SPOUT1: variants seen among roughly 807,000 people sequenced by gnomAD.
The protein encoded by SPOUT1 is SPOUT domain containing methyltransferase 1, also known as 28S rRNA (uridine-N(3))-methyltransferase.
Under a neutral mutation model 54.8 loss-of-function variants are expected in SPOUT1, and 40 were observed. That is an observed-to-expected ratio of 0.73 (90% CI 0.57 to 0.95). The LOEUF (loss-of-function observed/expected upper bound fraction) is 0.95. SPOUT1 is among the 40% of genes least tolerant of loss of function. SPOUT1 has a pLI of 0.00. For missense variants in SPOUT1, 437 were observed against 499.5 expected (o/e 0.87, Z 1.19); for synonymous variants, 193 against 200.3 (o/e 0.96, Z 0.31).
chr9:128,820,823 T>G lies in SPOUT1; in HGVS notation c.*1942A>C. 1 of 1,611,280 alleles carries G rather than the reference T, an allele frequency of 6.2e-7. No individual in the cohort carries two copies. On this transcript the variant is annotated 3_prime_UTR_variant, in exon 12 of 12. Transcript: ENST00000361256. ...CCGCAGCTACCAAAACGTCTATGTCTGCACAGGGCCACTCTTCCTGCCCAG... is the reference window on the plus strand; with the variant it reads ...CCGCAGCTACCAAAACGTCTATGTCGGCACAGGGCCACTCTTCCTGCCCAG...
In SPOUT1 at chr9:128,824,148, G is replaced by C; in HGVS notation, c.838C>G (p.Gln280Glu). ...LSAVFAEAPF[Q>E]DGYDLTIGTS... ...CCGATGGTCAGGTCATACCCATCTT[G>C]GAAGGGGGCCTCAGCAAACACAGCA... The change falls in exon 10 of 12, where the codon CAA (glutamine) becomes GAA (glutamate). Residue 280 changes from glutamine to glutamate, a missense_variant. Gln to Glu is a conservative substitution (Grantham distance 29, BLOSUM62 2). Coordinates refer to ENST00000361256, the MANE Select transcript of SPOUT1 (RefSeq NM_016390.4). 6.2e-7 allele frequency: 1 copy of C among 1,613,342 alleles called. No individual in the cohort carries two copies. The highest frequency in any genetic ancestry group is 8.5e-7 in the Non-Finnish European group (1 of 1,179,730).
In SPOUT1 at chr9:128,825,035, G is replaced by A. The variant is rs1415995334; in HGVS notation, c.654C>T (p.Asp218=). The A allele has an allele frequency of 1.1e-5, 17 of 1,572,760 alleles. No individual in the cohort carries two copies. The highest frequency in any genetic ancestry group is 1.5e-5 in the Non-Finnish European group (17 of 1,158,686). Residue 218 remains aspartate (D), a synonymous_variant, in exon 8 of 12, where the codon GAC becomes GAT. Coordinates refer to ENST00000361256, the MANE Select transcript of SPOUT1 (RefSeq NM_016390.4). ...NCGMKKEVKI[D]KNLEPGLRVT... ...CCCGAAGCCCGGGCTCCAGGTTCTT[G>A]TCAATCTTCACCTCCTGGGGAGAAG...
In SPOUT1 at chr9:128,826,955, C is replaced by G. The variant is rs2977991; in HGVS notation, c.368+77G>C. ...GGAAGAGCCAGGCATGTGGACGGGG[C>G]CATGGTGAAGCCTCGGCCCATCCCG... is the stretch of plus-strand genomic sequence containing the variant. On this transcript the variant is annotated intron_variant, in intron 4 of 11. Transcript: ENST00000361256. This position sits in a 1 kb window ranked among gnomAD's most constrained non-coding sequence, Gnocchi z 5.5. The G allele has an allele frequency of 0.99, 1,426,275 of 1,434,712 alleles. 709,300 individuals are homozygous for G. Among genetic ancestry groups the G allele is most frequent in the East Asian group, 1 (43,797 of 43,798 alleles). 88.9% of individuals were successfully genotyped at this position (1,434,712 alleles called of 1,614,324 possible).
rs1433290079 is a variant in SPOUT1 at position 128,820,764 on chromosome 9, G to C, written c.*2001C>G. 1.9e-6 allele frequency: 3 copies of C among 1,611,678 alleles called. No homozygotes were observed. The African/African-American group carries it at 4.0e-5, about 22-fold the overall frequency. ...GTGCCCCACCTCAACCAGAATGCCT[G>C]GAACAACCTGGAGAAATATAGCCGC... is the stretch of plus-strand genomic sequence containing the variant. On this transcript the variant is annotated 3_prime_UTR_variant, in exon 12 of 12. Coordinates refer to ENST00000361256, the MANE Select transcript of SPOUT1 (RefSeq NM_016390.4).
At chr9:128,824,739 T>C (rs1221450641) in intron 9 of SPOUT1, 32 bp downstream of exon 9, 6 of 1,519,146 alleles carry the variant, frequency 3.9e-6, no homozygotes, top group Middle Eastern at 1.7e-4. Flanking sequence ...GAGGGATGGA[T>C]GGATATTCAG....
At position 128,822,422 on chromosome 9, in the gene SPOUT1, G is replaced by A. The variant is rs762142600; in HGVS notation, c.*343C>T. The A allele has an allele frequency of 1.9e-6, 3 of 1,606,174 alleles. No individual in the cohort carries two copies. Among genetic ancestry groups the A allele is most frequent in the Non-Finnish European group, 2.6e-6 (3 of 1,176,300 alleles). ...ACACTTCTTCAAGGTGCTGATCCTG[G>A]AGGCAGCAGGTGGGCAAATTGAGCT... is the stretch of plus-strand genomic sequence containing the variant. On this transcript the variant is annotated 3_prime_UTR_variant, in exon 12 of 12. Transcript: ENST00000361256.
At position 128,821,823 on chromosome 9, in the gene SPOUT1, T is replaced by TCGGC. The variant is rs1374633649; in HGVS notation, c.*938_*941dup. On this transcript the variant is annotated 3_prime_UTR_variant, in exon 12 of 12. Coordinates refer to ENST00000361256, the MANE Select transcript of SPOUT1 (RefSeq NM_016390.4). ...CCAGGGCCTGGTCCATGGTAAGGGC[T>TCGGC]CGGCATAGGCTGGCCAAGGCGGTGG... 1 of 169,262 alleles carries TCGGC rather than the reference T, an allele frequency of 5.9e-6. No homozygotes were observed. Among genetic ancestry groups the TCGGC allele is most frequent in the African/African-American group, 2.4e-5 (1 of 41,684 alleles). 10.5% of individuals were successfully genotyped at this position (169,262 alleles called of 1,614,324 possible). A position where few individuals can be genotyped will look rare whatever the true frequency, so the allele number is the denominator to read the frequency against.
In SPOUT1 at chr9:128,823,671, G is replaced by A. The variant is rs1043563080; in HGVS notation, c.1062+76C>T. Reference sequence around the variant, plus strand: ...AGCCACGGGCAAGGGTGGGTGACAGGGCAAGAGTAGCACCCGCCCCTCGGA... The same window carrying A: ...AGCCACGGGCAAGGGTGGGTGACAGAGCAAGAGTAGCACCCGCCCCTCGGA... On this transcript the variant is annotated intron_variant, in intron 11 of 11. Coordinates refer to ENST00000361256, the MANE Select transcript of SPOUT1 (RefSeq NM_016390.4). 16 of 1,368,034 alleles carry A rather than the reference G, an allele frequency of 1.2e-5. No homozygotes were observed. In the East Asian group the frequency reaches 3.1e-4, roughly 27 times the overall value. The allele number at this position is 1,368,034 out of a possible 1,614,324, so 84.7% of individuals were successfully genotyped here.
At chr9:128,824,634 A>G (rs4836630) in intron 9 of SPOUT1, 137 bp downstream of exon 9, 241,332 of 654,284 alleles carry the variant, frequency 0.37, 52,663 homozygotes, top group Non-Finnish European at 0.45. Flanking sequence ...AGGCCCAGAG[A>G]AGGGGAAGGA....
At position 128,824,810 on chromosome 9, in the gene SPOUT1, G is replaced by GACCA; in HGVS notation, c.768_771dup (p.Leu258TrpfsTer20). The GACCA allele has an allele frequency of 6.2e-7, 1 of 1,614,084 alleles. No homozygotes were observed. The highest frequency in any genetic ancestry group is 1.3e-5 in the African/African-American group (1 of 75,026). ...AGTCGGACGGTGTAGCCCCAGTAGA[G>GACCA]ACCAGCTTTGGTGCGAGGGTCCTGC... On this transcript the variant is annotated frameshift_variant, in exon 9 of 12. Transcript: ENST00000361256. LOFTEE classifies it high-confidence loss of function.
rs1564436144 is a variant in SPOUT1, at chr9:128,826,643, G to A, written c.369-14C>T. 1.3e-6 allele frequency: 2 copies of A among 1,526,288 alleles called. No homozygotes were observed. Among genetic ancestry groups the A allele is most frequent in the Non-Finnish European group, 1.8e-6 (2 of 1,129,260 alleles). 94.5% of individuals were successfully genotyped at this position (1,526,288 alleles called of 1,614,324 possible). A position where few individuals can be genotyped will look rare whatever the true frequency, so the allele number is the denominator to read the frequency against. Reference sequence around the variant, plus strand: ...CCCTCCACAGTCCTGGAGAGAGAGAGATGGGGGCTCAGGATCCAGCTGTGG... The same window carrying A: ...CCCTCCACAGTCCTGGAGAGAGAGAAATGGGGGCTCAGGATCCAGCTGTGG... On this transcript the variant is annotated splice_polypyrimidine_tract_variant and intron_variant, in intron 4 of 11. Coordinates refer to ENST00000361256, the MANE Select transcript of SPOUT1 (RefSeq NM_016390.4). The surrounding 1 kb of genome is among the most constrained non-coding windows in gnomAD (Gnocchi z 5.5).
At chr9:128,829,362 C>T (rs907668668) in intron 1 of SPOUT1, among the ~76,000 whole-genome samples, 3 of 152,174 alleles carry the variant, frequency 2.0e-5, no homozygotes, top group Non-Finnish European at 2.9e-5. Context: ...ACACAGAAAG[C>T]ACTCAAGAAA....
chr9:128,824,910 T>C (rs768689864), intron 8 of SPOUT1, 41 bp from the exon 9 acceptor site: 4 of 1,597,108 alleles, frequency 2.5e-6, no homozygotes, highest in African/African-American at 1.3e-5. Context: ...GGTGAGGGAA[T>C]GGAAGCAGGT....
chr9:128,828,715 TCCC>T lies in SPOUT1; in HGVS notation c.208+17_208+19del. 1 of 1,612,170 alleles carries T rather than the reference TCCC, an allele frequency of 6.2e-7. No homozygotes were observed. The highest frequency in any genetic ancestry group is 8.5e-7 in the Non-Finnish European group (1 of 1,179,886). On this transcript the variant is annotated intron_variant, in intron 3 of 11. Transcript: ENST00000361256. Reference sequence around the variant, plus strand: ...TACCGTGGGCCACAACCTGTGGCCCTCCCCAAGACCCCAGCTCACCGCGGTCCT... The same window carrying T: ...TACCGTGGGCCACAACCTGTGGCCCTCAAGACCCCAGCTCACCGCGGTCCT...
In SPOUT1 at chr9:128,820,736, C is replaced by T; in HGVS notation, c.*2029G>A. 2 of 1,606,820 alleles carry T rather than the reference C, an allele frequency of 1.2e-6. No individual in the cohort carries two copies. The highest frequency in any genetic ancestry group is 1.1e-5 in the South Asian group (1 of 89,728). On this transcript the variant is annotated 3_prime_UTR_variant, in exon 12 of 12. Transcript: ENST00000361256. ...TCCTGCTAAGCCCTATCTCTCCTAC[C>T]AGGTGCCCCACCTCAACCAGAATGC...
intron 2 of SPOUT1, 42 bp downstream of exon 2, chr9:128,829,068 G>A (rs747876186): frequency 6.4e-7 from 1 of 1,571,590 alleles, no homozygotes; most frequent in Non-Finnish European, 8.8e-7. Context: ...GAGCACTGGT[G>A]GAGTGGCCTA....
Position 128,819,938 on chromosome 9 carries a change from G to A in SPOUT1, c.*2827C>T, listed in dbSNP as rs1241224555. ...GAGCTCAGGCTGCTGTGGGATCAAT[G>A]GGGGGGTGGCTGTAAATACAGATGA... On this transcript the variant is annotated 3_prime_UTR_variant, in exon 12 of 12. Coordinates refer to ENST00000361256, the MANE Select transcript of SPOUT1 (RefSeq NM_016390.4). 1.3e-5 allele frequency: 2 copies of A among 152,156 alleles called. No individual in the cohort carries two copies. The highest frequency in any genetic ancestry group is 6.6e-5 in the Admixed American group (1 of 15,188). The allele number at this position is 152,156 out of a possible 1,614,324, so 9.4% of individuals were successfully genotyped here.
rs770138492 is a variant in SPOUT1 at position 128,826,364 on chromosome 9, G to A, written c.508+20C>T. 1.2e-5 allele frequency: 20 copies of A among 1,612,386 alleles called. No individual in the cohort carries two copies. The highest frequency in any genetic ancestry group is 2.2e-5 in the East Asian group (1 of 44,862). The stretch of plus-strand genomic sequence containing the variant: ...GGCATGATCCAGGGGAAATGGGGGG[G>A]CGGGCCCATACAGCGTTACCTGCAA... On this transcript the variant is annotated intron_variant, in intron 6 of 11. Coordinates refer to ENST00000361256, the MANE Select transcript of SPOUT1 (RefSeq NM_016390.4). This position sits in a 1 kb window ranked among gnomAD's most constrained non-coding sequence, Gnocchi z 5.5.
At position 128,826,359 on chromosome 9, in the gene SPOUT1, G is replaced by T; in HGVS notation, c.508+25C>A. On this transcript the variant is annotated intron_variant, in intron 6 of 11. Transcript: ENST00000361256. This position sits in a 1 kb window ranked among gnomAD's most constrained non-coding sequence, Gnocchi z 5.5. Reference sequence around the variant, plus strand: ...TCTGTGGCATGATCCAGGGGAAATGGGGGGGCGGGCCCATACAGCGTTACC... The same window carrying T: ...TCTGTGGCATGATCCAGGGGAAATGTGGGGGCGGGCCCATACAGCGTTACC... 1 of 1,612,368 alleles carries T rather than the reference G, an allele frequency of 6.2e-7. No individual in the cohort carries two copies. Among genetic ancestry groups the T allele is most frequent in the East Asian group, 2.2e-5 (1 of 44,838 alleles).
Sources: gnomAD v4.1 joint callset for allele counts (sites outside exome capture counted in the v4.1 genomes callset) on GRCh38, gnomAD v4.1.1 for gene constraint, Gnocchi (gnomAD v3.1) non-coding constraint, MANE v1.5 for transcripts, NCBI Gene and HGNC (gene_info 2026-07-23, HGNC 2026-07-21) for gene names.